Variants in CCDC171 observed in about 807,000 individuals in gnomAD.
CCDC171 encodes coiled-coil domain-containing protein 171.
In CCDC171, 177 loss-of-function variants were observed where a neutral mutation model predicts 168.2. That is an observed-to-expected ratio of 1.05 (90% CI 0.93 to 1.19). CCDC171 has a LOEUF of 1.19. Among genes scored for constraint, CCDC171 ranks in the 50% most tolerant of loss-of-function variants. The probability of loss-of-function intolerance (pLI) is 0.00; values close to 1 mark genes in which losing one functional copy is unlikely to be tolerated. For missense variants in CCDC171, 1,991 were observed against 1,539.0 expected (o/e 1.29, Z -4.91); for synonymous variants, 687 against 540.8 (o/e 1.27, Z -3.75).
chr9:15,693,213 CAG>C (rs34857238), intron 10 of CCDC171, among the ~76,000 whole-genome samples: 142,031 of 151,814 alleles, frequency 0.94, 66,539 homozygotes, highest in East Asian at 1. Flanking sequence ...TAGGTACACA[CAG>C]ACACACATGC....
rs1304803166 is a variant in CCDC171, at chr9:15,594,135, G to A, written c.638G>A (p.Trp213Ter). Residue 213 changes from tryptophan to a stop codon, truncating the protein, a stop_gained, in exon 6 of 26, where the codon TGG becomes TAG. Transcript: ENST00000380701. LOFTEE classifies it high-confidence loss of function. ...LEEFRLQEEQ[W>*]EAERRELQFI... ...GAGTTTAGATTACAAGAAGAACAATGGGAAGCAGAAAGAAGAGAATTACAA... is the reference window on the plus strand; with the variant it reads ...GAGTTTAGATTACAAGAAGAACAATAGGAAGCAGAAAGAAGAGAATTACAA... The A allele has an allele frequency of 5.4e-6, 8 of 1,479,074 alleles. No individual in the cohort carries two copies. The highest frequency in any genetic ancestry group is 7.5e-6 in the Non-Finnish European group (8 of 1,062,638). 91.6% of individuals were successfully genotyped at this position (1,479,074 alleles called of 1,614,324 possible).
At chr9:15,791,579 C>T (rs2058265629) in intron 21 of CCDC171, among the ~76,000 whole-genome samples, 1 of 152,126 alleles carries the variant, frequency 6.6e-6, no homozygotes, top group Non-Finnish European at 1.5e-5. Flanking sequence ...TAATTGAATA[C>T]CCTTTATTTC....
intron 21 of CCDC171, among the ~76,000 whole-genome samples, chr9:15,831,411 A>G (rs766530661): frequency 2.6e-5 from 4 of 152,256 alleles, no homozygotes; most frequent in African/African-American, 4.8e-5. Flanking sequence ...GAGCTGAAGA[A>G]TTAAAACACA....
chr9:15,579,419 C>T (rs2040937584), intron 4 of CCDC171, among the ~76,000 whole-genome samples: 1 of 152,154 alleles, frequency 6.6e-6, no homozygotes. Context: ...AGAAGCACTG[C>T]CTCTTTCATT....
chr9:15,882,542 A>C (rs1818788883), intron 24 of CCDC171, among the ~76,000 whole-genome samples: 1 of 152,160 alleles, frequency 6.6e-6, no homozygotes, highest in Non-Finnish European at 1.5e-5. Context: ...GTGTTTCCCC[A>C]GTGTTTGGAA....
At chr9:15,761,423 C>A (rs372398769) in intron 18 of CCDC171, among the ~76,000 whole-genome samples, 7 of 152,156 alleles carry the variant, frequency 4.6e-5, no homozygotes, top group South Asian at 2.1e-4. Flanking sequence ...TTTATTGAAT[C>A]TTAAAAAAAT....
intron 24 of CCDC171, among the ~76,000 whole-genome samples, chr9:15,900,124 C>T (rs1300526240): frequency 6.6e-6 from 1 of 152,118 alleles, no homozygotes; most frequent in East Asian, 1.9e-4. Context: ...TAGTCTTCTC[C>T]CCTCGATGGT....
intron 9 of CCDC171, among the ~76,000 whole-genome samples, chr9:15,669,068 C>G (rs796953004): frequency 2.8e-4 from 43 of 152,226 alleles, no homozygotes; most frequent in African/African-American, 8.9e-4. Flanking sequence ...GTTCTTTAAG[C>G]TTCTGTTTCT....
rs547178366 is a variant in CCDC171 at position 15,921,898 on chromosome 9, A to C, written c.3753+1476A>C. ...TGTATCAGCTTTGTTGGGTCATACT[A>C]TTACTACTTTTTACTGTTATTTAAT... is the stretch of plus-strand genomic sequence containing the variant. On this transcript the variant is annotated intron_variant, in intron 25 of 25. Transcript: ENST00000380701. 3.3e-5 allele frequency among the ~76,000 whole-genome samples: 5 copies of C among 151,664 alleles called. No individual in the cohort carries two copies. The South Asian group carries it at 1.0e-3, about 32-fold the overall frequency.
At chr9:15,931,441 T>A (rs1326054179) in intron 25 of CCDC171, among the ~76,000 whole-genome samples, 2 of 138,312 alleles carry the variant, frequency 1.4e-5, no homozygotes, top group Non-Finnish European at 3.1e-5. Context: ...GGGGTCTTTC[T>A]TTCTTTCTTT....
chr9:15,789,097 C>T (rs2058115326), intron 21 of CCDC171, among the ~76,000 whole-genome samples: 1 of 152,026 alleles, frequency 6.6e-6, no homozygotes, highest in Non-Finnish European at 1.5e-5. Flanking sequence ...CTAGGTTTGT[C>T]CTGGAGGCAG....
chr9:16,042,071 T>C (rs1340638291), upstream of CCDC171, among the ~76,000 whole-genome samples: 1 of 152,200 alleles, frequency 6.6e-6, no homozygotes, highest in Non-Finnish European at 1.5e-5. Context: ...GCAAAGAAAC[T>C]GCCAGGGAGT....
chr9:15,934,963 T>G (rs1185604511), intron 25 of CCDC171, among the ~76,000 whole-genome samples: 1 of 152,016 alleles, frequency 6.6e-6, no homozygotes, highest in East Asian at 1.9e-4. Flanking sequence ...GGCAAATCCA[T>G]GGAGACAAGA....
intron 24 of CCDC171, among the ~76,000 whole-genome samples, chr9:15,910,707 C>G (rs1377203382): frequency 6.6e-6 from 1 of 152,078 alleles, no homozygotes. Context: ...GCCCCCCACC[C>G]CACAACAGGC....
At chr9:15,587,195 T>C (rs1019983560) in intron 4 of CCDC171, among the ~76,000 whole-genome samples, 1 of 152,142 alleles carries the variant, frequency 6.6e-6, no homozygotes, top group African/African-American at 2.4e-5. Context: ...AGGACTCTTT[T>C]GTGTATCACC....
Position 15,907,619 on chromosome 9 carries a change from C to T in CCDC171, c.3601-12651C>T, listed in dbSNP as rs1257738759. Among the ~76,000 whole-genome samples the T allele has an allele frequency of 1.6e-4, 24 of 152,310 alleles. No homozygotes were observed. The East Asian group carries it at 3.5e-3, about 22-fold the overall frequency. On this transcript the variant is annotated intron_variant, in intron 24 of 25. Transcript: ENST00000380701. ...ATGGGCAAGGACTTCATGTCTAAAA[C>T]ACCAAAAGCAATGGCAACAAAAGCC...
At chr9:16,002,155 T>G (rs1832566568) in intron 3 of CCDC171, among the ~76,000 whole-genome samples, 1 of 124,952 alleles carries the variant, frequency 8.0e-6, no homozygotes, top group Admixed American at 8.3e-5. Flanking sequence ...TTTTTTTTTT[T>G]TGCTGTTATT....
intron 23 of CCDC171, among the ~76,000 whole-genome samples, chr9:15,862,079 A>C (rs10732335): frequency 0.36 from 54,644 of 151,264 alleles, 12,294 homozygotes; most frequent in East Asian, 0.62. Context: ...TGGCTTGCAA[A>C]GTTTGAGCTG....
At chr9:15,627,163 T>C (rs1490187530) in intron 7 of CCDC171, among the ~76,000 whole-genome samples, 2 of 152,180 alleles carry the variant, frequency 1.3e-5, no homozygotes, top group Non-Finnish European at 2.9e-5. Flanking sequence ...GGTGGTGATA[T>C]CCCCTTTATC....
Sources: allele counts gnomAD v4.1 joint callset (sites outside exome capture counted in the v4.1 genomes callset), GRCh38; gene constraint gnomAD v4.1.1; transcripts MANE v1.5; gene names NCBI Gene and HGNC (gene_info 2026-07-23, HGNC 2026-07-21).